Variants in ERAP1 observed in about 807,000 individuals in gnomAD.
The protein encoded by ERAP1 is adipocyte-derived leucine aminopeptidase.
A neutral mutation model predicts 103.7 loss-of-function variants in ERAP1; 86 were observed. The observed-to-expected ratio is 0.83, with a 90% CI of 0.70 to 0.99. The LOEUF is 0.99. Among genes scored for constraint, ERAP1 ranks in the 50% least tolerant of loss-of-function variants. The probability of loss-of-function intolerance (pLI) is 0.00; values close to 1 mark genes in which losing one functional copy is unlikely to be tolerated. For missense variants in ERAP1, 1,009 were observed against 1,128.4 expected, an observed-to-expected ratio of 0.89 and a Z score of 1.52; for synonymous variants, 398 against 402.4, an observed-to-expected ratio of 0.99 and a Z score of 0.13.
intron 16 of ERAP1, 52 bp downstream of exon 16, chr5:96,781,641 A>T: frequency 6.2e-7 from 1 of 1,611,036 alleles, no homozygotes; most frequent in Non-Finnish European, 8.5e-7. Flanking sequence ...GAATGATCTA[A>T]TCTAATCTAA....
the ERAP1 span, among the ~76,000 whole-genome samples, chr5:96,891,559 CACACAT>C: frequency 4.0e-4 from 57 of 141,586 alleles, no homozygotes; most frequent in Non-Finnish European, 7.6e-4. Context: ...CACACACACA[CACACAT>C]ATATGGTACA....
intron 18 of ERAP1, chr5:96,777,011 G>T: frequency 6.4e-6 from 1 of 157,334 alleles, no homozygotes. Flanking sequence ...GAAACACTGT[G>T]GGGAATGGGA....
upstream of ERAP1, among the ~76,000 whole-genome samples, chr5:96,811,645 G>A (rs539008815): frequency 6.6e-6 from 1 of 152,340 alleles, no homozygotes; most frequent in Non-Finnish European, 1.5e-5. Context: ...TCTTCAGAGA[G>A]AGTCCTGTAT....
the ERAP1 span, among the ~76,000 whole-genome samples, chr5:96,859,951 G>T: frequency 6.6e-6 from 1 of 152,248 alleles, no homozygotes; most frequent in Admixed American, 6.5e-5. Flanking sequence ...CCTTCCCTGA[G>T]CTTGGGCTGG....
the ERAP1 span, chr5:96,883,931 G>A: frequency 6.3e-7 from 1 of 1,579,064 alleles, no homozygotes; most frequent in Non-Finnish European, 8.6e-7. Flanking sequence ...CATGCCAAAG[G>A]TATGTCCACT....
the ERAP1 span, among the ~76,000 whole-genome samples, chr5:96,829,207 A>C: frequency 6.6e-6 from 1 of 152,210 alleles, no homozygotes; most frequent in Non-Finnish European, 1.5e-5. Flanking sequence ...AGTCCGAATA[A>C]CTTACACATG....
At chr5:96,768,528 A>G (rs1468929650) in intron 19 of ERAP1, 2 of 376,398 alleles carry the variant, frequency 5.3e-6, no homozygotes, top group Middle Eastern at 3.7e-4. Context: ...TATATTTTAC[A>G]TAATTATACT....
chr5:96,913,778 G>C, the ERAP1 span, among the ~76,000 whole-genome samples: 1 of 152,162 alleles, frequency 6.6e-6, no homozygotes, highest in Non-Finnish European at 1.5e-5. Flanking sequence ...CAGCCCAGAA[G>C]AATCCCAAGA....
chr5:96,921,573 G>T, the ERAP1 span, among the ~76,000 whole-genome samples: 488 of 152,286 alleles, frequency 3.2e-3, 2 homozygotes, highest in African/African-American at 0.012. Flanking sequence ...TTTCTTACTC[G>T]TTTCTACAAT....
At chr5:96,804,093 C>T (rs1282353718) in intron 1 of ERAP1, 150 bp from the exon 2 acceptor site, 1 of 789,048 alleles carries the variant, frequency 1.3e-6, no homozygotes, top group Non-Finnish European at 2.0e-6. Flanking sequence ...AAAGGACCTT[C>T]CCTATGTTAT....
upstream of ERAP1, among the ~76,000 whole-genome samples, chr5:96,811,379 T>C (rs906540205): frequency 6.6e-6 from 1 of 152,204 alleles, no homozygotes; most frequent in East Asian, 1.9e-4. Flanking sequence ...ACATTGTACT[T>C]ATGCAGGTGG....
chr5:96,873,978 C>A, the ERAP1 span, among the ~76,000 whole-genome samples: 1 of 151,426 alleles, frequency 6.6e-6, no homozygotes, highest in Non-Finnish European at 1.5e-5. Flanking sequence ...TTAGAGCCAA[C>A]AAGGAGGGTC....
the ERAP1 span, among the ~76,000 whole-genome samples, chr5:96,889,719 G>A: frequency 5.9e-5 from 9 of 151,954 alleles, no homozygotes; most frequent in South Asian, 1.0e-3. Context: ...GGACATCAAC[G>A]CTCTCATCCA....
At chr5:96,883,769 G>A in the ERAP1 span, 3 of 1,600,786 alleles carry the variant, frequency 1.9e-6, no homozygotes, top group South Asian at 3.4e-5. Flanking sequence ...GTGCATTTTG[G>A]CTGGGGGTGG....
chr5:96,878,019 G>A, the ERAP1 span, among the ~76,000 whole-genome samples: 1 of 152,154 alleles, frequency 6.6e-6, no homozygotes. Flanking sequence ...GTTTGAGTTG[G>A]AGCAGTAAGG....
At chr5:96,847,633 G>T in the ERAP1 span, among the ~76,000 whole-genome samples, 23 of 152,160 alleles carry the variant, frequency 1.5e-4, no homozygotes, top group African/African-American at 5.5e-4. Flanking sequence ...TTTTCAGACT[G>T]CAGTGGTATG....
the ERAP1 span, among the ~76,000 whole-genome samples, chr5:96,864,149 A>T: frequency 6.6e-6 from 1 of 152,188 alleles, no homozygotes; most frequent in African/African-American, 2.4e-5. Flanking sequence ...TTATTATGGC[A>T]CTTTGCAGAT....
the ERAP1 span, among the ~76,000 whole-genome samples, chr5:96,888,286 T>A: frequency 6.6e-6 from 1 of 152,244 alleles, no homozygotes; most frequent in African/African-American, 2.4e-5. Context: ...TAGACATGGA[T>A]GTCTATGCAT....
the ERAP1 span, among the ~76,000 whole-genome samples, chr5:96,813,168 G>A: frequency 6.6e-6 from 1 of 152,106 alleles, no homozygotes. Flanking sequence ...GGAATGCTTG[G>A]TTTTATTTAC....
Sources: allele counts gnomAD v4.1 joint callset (sites outside exome capture counted in the v4.1 genomes callset), GRCh38; gene constraint gnomAD v4.1.1; transcripts MANE v1.5; gene names NCBI Gene and HGNC (gene_info 2026-07-23, HGNC 2026-07-21).